FLOT2: variants seen among roughly 807,000 people sequenced by gnomAD.
The protein encoded by FLOT2 is flotillin 2.
In FLOT2, 35 loss-of-function variants were observed where a neutral mutation model predicts 54.9. That is an observed-to-expected ratio of 0.64 (90% confidence interval 0.49 to 0.84). The LOEUF (loss-of-function observed/expected upper bound fraction) is 0.84, where lower values mean the gene tolerates loss of function less well. FLOT2 is among the 40% of genes least tolerant of loss of function. The probability of loss-of-function intolerance (pLI) is 0.00; values close to 1 mark genes in which losing one functional copy is unlikely to be tolerated. For synonymous variants in FLOT2, 207 were observed against 228.9 expected, an observed-to-expected ratio of 0.90 and a Z score of 0.86; for missense variants, 464 against 572.1, an observed-to-expected ratio of 0.81 and a Z score of 1.93.
rs2039420240 is a variant in FLOT2, at chr17:28,880,004, C to T, written c.*557G>A. 6.1e-6 allele frequency: 6 copies of T among 989,516 alleles called. No individual in the cohort carries two copies. The highest frequency in any genetic ancestry group is 7.2e-6 in the Non-Finnish European group (6 of 832,768). 61.3% of individuals were successfully genotyped at this position (989,516 alleles called of 1,614,324 possible). ...AGGGGAAGGACAGTGTCTCTGGGCC[C>T]TGCAGGTCATGGCTGCCCAGACCTA... is the stretch of plus-strand genomic sequence containing the variant. On this transcript the variant is annotated 3_prime_UTR_variant, in exon 11 of 11. Coordinates refer to ENST00000394908, the MANE Select transcript of FLOT2 (RefSeq NM_004475.3).
At chr17:28,881,477 G>A in intron 8 of FLOT2, 102 bp from the exon 9 acceptor site, 1 of 1,232,934 alleles carries the variant, frequency 8.1e-7, no homozygotes. Flanking sequence ...TCTGGGGGCT[G>A]TCGGGGTGGG....
At chr17:28,894,560 G>A (rs1030153781) in intron 1 of FLOT2, among the ~76,000 whole-genome samples, 5 of 151,908 alleles carry the variant, frequency 3.3e-5, no homozygotes, top group Non-Finnish European at 7.4e-5. Context: ...GTAGGTGGAG[G>A]CTGCAGTGAG....
In FLOT2 at chr17:28,883,880, GT is replaced by G. The variant is rs1404561707; in HGVS notation, c.222+344del. On this transcript the variant is annotated intron_variant, in intron 3 of 10. Coordinates refer to ENST00000394908, the MANE Select transcript of FLOT2 (RefSeq NM_004475.3). The surrounding 1 kb of genome is among the most constrained non-coding windows in gnomAD (Gnocchi z 5.0). The stretch of plus-strand genomic sequence containing the variant: ...CTCTGGGCCCCACCCCTCCCACGCA[GT>G]ACCCAGGGAACAAGGAAGGCCTGGA... Among the ~76,000 whole-genome samples, 1 of 147,322 alleles carries G rather than the reference GT, an allele frequency of 6.8e-6. No individual in the cohort carries two copies. The highest frequency in any genetic ancestry group is 2.5e-5 in the African/African-American group (1 of 39,514).
At position 28,897,480 on chromosome 17, in the gene FLOT2, C is replaced by A. The variant is rs755539867; in HGVS notation, c.49+46G>T. 27 of 1,565,180 alleles carry A rather than the reference C, an allele frequency of 1.7e-5. No individual in the cohort carries two copies. The highest frequency in any genetic ancestry group is 1.7e-5 in the Non-Finnish European group (20 of 1,150,932). ...CGTGCACTCCCCAGCCCTGCACCCA[C>A]CCCGAGCACCCTCCACAGCTCCCAC... On this transcript the variant is annotated intron_variant, in intron 1 of 10. Transcript: ENST00000394908. The surrounding 1 kb of genome is among the most constrained non-coding windows in gnomAD (Gnocchi z 4.4).
chr17:28,889,912 A>T (rs1161239758), intron 1 of FLOT2, among the ~76,000 whole-genome samples: 1 of 152,212 alleles, frequency 6.6e-6, no homozygotes, highest in Non-Finnish European at 1.5e-5. Context: ...TGCTGGGATT[A>T]CAGGCATGAG....
At chr17:28,888,917 A>G in intron 2 of FLOT2, 28 bp downstream of exon 2, 1 of 1,599,060 alleles carries the variant, frequency 6.3e-7, no homozygotes. Context: ...CCACTCCATG[A>G]CAGGTCCTAG....
At chr17:28,892,356 CTTTTT>C (rs1169732012) in intron 1 of FLOT2, 3 of 86,748 alleles carry the variant, frequency 3.5e-5, no homozygotes, top group Admixed American at 1.2e-4. Flanking sequence ...GATGGCCACT[CTTTTT>C]TTTTTTTTTT....
In FLOT2 at chr17:28,884,367, G is replaced by A; in HGVS notation, c.132-52C>T. 7.9e-7 allele frequency: 1 copy of A among 1,262,370 alleles called. No homozygotes were observed. The highest frequency in any genetic ancestry group is 2.3e-5 in the East Asian group (1 of 42,880). 78.2% of individuals were successfully genotyped at this position (1,262,370 alleles called of 1,614,324 possible). A position where few individuals can be genotyped will look rare whatever the true frequency, so the allele number is the denominator to read the frequency against. On this transcript the variant is annotated intron_variant, in intron 2 of 10. Coordinates refer to ENST00000394908, the MANE Select transcript of FLOT2 (RefSeq NM_004475.3). The surrounding 1 kb of genome is among the most constrained non-coding windows in gnomAD (Gnocchi z 5.1). Reference sequence around the variant, plus strand: ...TGGGTCTGGGGGCGCAGGGCCTGGTGGTGTTGGGAAAGAGGCCAGTACCTC... The same window carrying A: ...TGGGTCTGGGGGCGCAGGGCCTGGTAGTGTTGGGAAAGAGGCCAGTACCTC...
chr17:28,883,812 G>A lies in FLOT2; in HGVS notation c.222+413C>T, dbSNP rs189468311. 1.1e-4 allele frequency among the ~76,000 whole-genome samples: 17 copies of A among 152,112 alleles called. No individual in the cohort carries two copies. The highest frequency in any genetic ancestry group is 2.0e-4 in the Admixed American group (3 of 15,278). On this transcript the variant is annotated intron_variant, in intron 3 of 10. Coordinates refer to ENST00000394908, the MANE Select transcript of FLOT2 (RefSeq NM_004475.3). This position sits in a 1 kb window ranked among gnomAD's most constrained non-coding sequence, Gnocchi z 5.0. ...CAGCAGGGGATATGATGCAGCCTCC[G>A]ACTCCCAGAGTCCAGAGCTCCTCTG... is the stretch of plus-strand genomic sequence containing the variant.
chr17:28,894,853 T>TACCCC (rs1360357496), intron 1 of FLOT2, among the ~76,000 whole-genome samples: 1 of 150,962 alleles, frequency 6.6e-6, no homozygotes. Context: ...TTGAGCCACA[T>TACCCC]ACCCCTTTAG....
intron 2 of FLOT2, chr17:28,886,067 G>A: frequency 1.7e-6 from 1 of 579,698 alleles, no homozygotes. Context: ...GCGGGGGGGG[G>A]CATGCTGTCA....
chr17:28,885,136 T>C (rs750095282), intron 2 of FLOT2, among the ~76,000 whole-genome samples: 13 of 152,128 alleles, frequency 8.5e-5, no homozygotes, highest in Non-Finnish European at 1.9e-4. Flanking sequence ...AAATAGAGTA[T>C]TGAAGGAGGC....
chr17:28,880,527 G>A lies in FLOT2; in HGVS notation c.*34C>T, dbSNP rs774759051. The A allele has an allele frequency of 3.7e-6, 6 of 1,608,138 alleles. No individual in the cohort carries two copies. The highest frequency in any genetic ancestry group is 2.7e-5 in the African/African-American group (2 of 74,686). On this transcript the variant is annotated 3_prime_UTR_variant, in exon 11 of 11. Transcript: ENST00000394908. ...AAAACGGGTGCTGGAGGGAGGGCCGGGTGGCTGCTGAAGAGAGTGGGCCTG... is the reference window on the plus strand; with the variant it reads ...AAAACGGGTGCTGGAGGGAGGGCCGAGTGGCTGCTGAAGAGAGTGGGCCTG...
intron 1 of FLOT2, among the ~76,000 whole-genome samples, chr17:28,894,312 C>A (rs1706802655): frequency 1.3e-5 from 2 of 151,288 alleles, no homozygotes; most frequent in African/African-American, 4.9e-5. Flanking sequence ...CACAGGGAGA[C>A]CCTGTCTCTA....
In FLOT2 at chr17:28,883,163, C is replaced by G; in HGVS notation, c.291G>C (p.Gln97His). 6.2e-7 allele frequency: 1 copy of G among 1,614,070 alleles called. No homozygotes were observed. Among genetic ancestry groups the G allele is most frequent in the Non-Finnish European group, 8.5e-7 (1 of 1,179,994 alleles). The stretch of plus-strand genomic sequence containing the variant: ...TCTGCAGGACGACGTTTTTGATGTC[C>G]TGCACATTCTTACCCAGAAACTGCT... Reference protein sequence around the residue: ...ACEQFLGKNVQDIKNVVLQTL... With the variant: ...ACEQFLGKNVHDIKNVVLQTL... The change falls in exon 4 of 11, where the codon CAG (glutamine) becomes CAC (histidine). Residue 97 changes from glutamine (Q) to histidine (H), a missense_variant. Gln to His is a conservative substitution (Grantham distance 24). Transcript: ENST00000394908. The surrounding 1 kb of genome is among the most constrained non-coding windows in gnomAD (Gnocchi z 5.0).
Position 28,880,606 on chromosome 17 carries a change from G to A in FLOT2, c.1249-7C>T, listed in dbSNP as rs2039429719. Reference sequence around the variant, plus strand: ...CCTTCTTGATCAGGGGTATCTGCAAGGATGGGAGATGCCATGAGACCTTGG... The same window carrying A: ...CCTTCTTGATCAGGGGTATCTGCAAAGATGGGAGATGCCATGAGACCTTGG... On this transcript the variant is annotated splice_polypyrimidine_tract_variant and splice_region_variant and intron_variant, in intron 10 of 10. Transcript: ENST00000394908. The A allele has an allele frequency of 6.2e-7, 1 of 1,614,110 alleles. No individual in the cohort carries two copies. Among genetic ancestry groups the A allele is most frequent in the Non-Finnish European group, 8.5e-7 (1 of 1,180,006 alleles).
rs1444610910 is a variant in FLOT2, at chr17:28,897,491, C to T, written c.49+35G>A. 1 of 1,589,150 alleles carries T rather than the reference C, an allele frequency of 6.3e-7. No individual in the cohort carries two copies. Among genetic ancestry groups the T allele is most frequent in the Non-Finnish European group, 8.6e-7 (1 of 1,166,904 alleles). ...CAGCCCTGCACCCACCCCGAGCACC[C>T]TCCACAGCTCCCACCTTCCTCGCCG... On this transcript the variant is annotated intron_variant, in intron 1 of 10. Coordinates refer to ENST00000394908, the MANE Select transcript of FLOT2 (RefSeq NM_004475.3). This position sits in a 1 kb window ranked among gnomAD's most constrained non-coding sequence, Gnocchi z 4.4.
In FLOT2 at chr17:28,897,431, G is replaced by C; in HGVS notation, c.49+95C>G. 1 of 1,239,462 alleles carries C rather than the reference G, an allele frequency of 8.1e-7. No individual in the cohort carries two copies. The highest frequency in any genetic ancestry group is 1.1e-6 in the Non-Finnish European group (1 of 894,444). The allele number at this position is 1,239,462 out of a possible 1,614,324, so 76.8% of individuals were successfully genotyped here. ...GGGGGCCAGCGCCCTGCGCCGCGCG[G>C]TGGACTCAGGCCCAGCTCTTCCCCG... On this transcript the variant is annotated intron_variant, in intron 1 of 10. Coordinates refer to ENST00000394908, the MANE Select transcript of FLOT2 (RefSeq NM_004475.3). This position sits in a 1 kb window ranked among gnomAD's most constrained non-coding sequence, Gnocchi z 4.4.
chr17:28,895,015 G>C (rs560716255), intron 1 of FLOT2, among the ~76,000 whole-genome samples: 1 of 144,698 alleles, frequency 6.9e-6, no homozygotes, highest in Non-Finnish European at 1.5e-5. Flanking sequence ...GGGCTCAAGC[G>C]ATCCTCCCAC....
Sources: allele counts gnomAD v4.1 joint callset (sites outside exome capture counted in the v4.1 genomes callset), GRCh38; gene constraint gnomAD v4.1.1; non-coding constraint Gnocchi (gnomAD v3.1); transcripts MANE v1.5; gene names NCBI Gene and HGNC (gene_info 2026-07-23, HGNC 2026-07-21).